CGNL1: variants seen among roughly 807,000 people sequenced by gnomAD.
The protein encoded by CGNL1 is cingulin-like protein 1.
Under a neutral mutation model 141.2 loss-of-function variants are expected in CGNL1, and 132 were observed. The ratio of observed to expected loss-of-function variants is 0.93; its 90% CI spans 0.81 to 1.08. CGNL1 has a LOEUF of 1.08. Ranked by LOEUF, CGNL1 falls within the 50% of genes least tolerant of loss-of-function variation. The pLI is 0.00. For missense variants in CGNL1, 1,870 were observed against 1,588.6 expected, an observed-to-expected ratio of 1.18 and a Z score of -3.01; for synonymous variants, 690 against 622.1, an observed-to-expected ratio of 1.11 and a Z score of -1.63.
intron 1 of CGNL1, among the ~76,000 whole-genome samples, chr15:57,387,786 G>A (rs1384133900): frequency 2.6e-5 from 4 of 152,238 alleles, no homozygotes; most frequent in East Asian, 1.9e-4. Flanking sequence ...TAAATGAGGA[G>A]CTGTGGAGTG....
At chr15:57,533,462 A>G (rs1361955831) in intron 14 of CGNL1, among the ~76,000 whole-genome samples, 2 of 152,260 alleles carry the variant, frequency 1.3e-5, no homozygotes, top group African/African-American at 4.8e-5. Context: ...CCCCCCAGAC[A>G]TGTCAGGATC....
In CGNL1 at chr15:57,514,063, A is replaced by C. The variant is rs139510040; in HGVS notation, c.2404-2717A>C. ...TGGAGTGGTATCTCATTATGGTTTT[A>C]ATTTGCATTTCCCTAATGACTAATG... On this transcript the variant is annotated intron_variant, in intron 8 of 18. Coordinates refer to ENST00000281282, the MANE Select transcript of CGNL1 (RefSeq NM_032866.5). Among the ~76,000 whole-genome samples, 301 of 152,186 alleles carry C rather than the reference A, an allele frequency of 2.0e-3. 1 individual carries two copies. The highest frequency in any genetic ancestry group is 7.1e-3 in the African/African-American group (294 of 41,504).
chr15:57,445,364 C>A (rs1233737509), intron 4 of CGNL1, among the ~76,000 whole-genome samples: 1 of 152,194 alleles, frequency 6.6e-6, no homozygotes, highest in Non-Finnish European at 1.5e-5. Flanking sequence ...TGTTTAATTG[C>A]CACGTTTTCC....
At chr15:57,391,131 G>A (rs1226856431) in intron 1 of CGNL1, among the ~76,000 whole-genome samples, 1 of 152,194 alleles carries the variant, frequency 6.6e-6, no homozygotes, top group Admixed American at 6.5e-5. Context: ...AATGGCAGAT[G>A]AGAGCCAGGC....
Position 57,414,152 on chromosome 15 carries a change from TG to T in CGNL1, c.-15-23830del, listed in dbSNP as rs112410238. 8.5e-5 allele frequency among the ~76,000 whole-genome samples: 13 copies of T among 152,272 alleles called. 3 individuals carry two copies. The highest frequency in any genetic ancestry group is 3.1e-4 in the African/African-American group (13 of 41,562). On this transcript the variant is annotated intron_variant, in intron 1 of 18. Transcript: ENST00000281282. ...AGCAGAGGGGGCTGCCTACATCAGC[TG>T]GGCATGGAGCTGATAGCAGCATCAG... is the stretch of plus-strand genomic sequence containing the variant.
chr15:57,440,789 G>T (rs1256544088), intron 3 of CGNL1, among the ~76,000 whole-genome samples: 1 of 152,140 alleles, frequency 6.6e-6, no homozygotes, highest in Non-Finnish European at 1.5e-5. Flanking sequence ...AATGGAGTCC[G>T]CCATCACCTT....
At chr15:57,461,586 C>A in intron 7 of CGNL1, 94 bp from the exon 8 acceptor site, 1 of 1,006,670 alleles carries the variant, frequency 9.9e-7, no homozygotes, top group Non-Finnish European at 1.6e-6. Context: ...GGTGAGATGG[C>A]TGTGCACATG....
At chr15:57,464,229 C>T (rs538796501) in intron 8 of CGNL1, among the ~76,000 whole-genome samples, 15 of 152,154 alleles carry the variant, frequency 9.9e-5, no homozygotes, top group Middle Eastern at 3.4e-3. Flanking sequence ...TTTGCTGGAG[C>T]GGTCAGTGGC....
intron 8 of CGNL1, among the ~76,000 whole-genome samples, chr15:57,463,416 A>G (rs576214099): frequency 3.3e-5 from 5 of 152,348 alleles, no homozygotes; most frequent in South Asian, 2.1e-4. Context: ...TATTTTCATT[A>G]TGCCATTTCA....
At chr15:57,380,563 A>T (rs961293061) in intron 1 of CGNL1, among the ~76,000 whole-genome samples, 1 of 152,184 alleles carries the variant, frequency 6.6e-6, no homozygotes, top group African/African-American at 2.4e-5. Flanking sequence ...CACAGGAGGC[A>T]TAAGACATGC....
At chr15:57,422,508 A>G (rs2062927475) in intron 1 of CGNL1, among the ~76,000 whole-genome samples, 1 of 152,208 alleles carries the variant, frequency 6.6e-6, no homozygotes, top group African/African-American at 2.4e-5. Flanking sequence ...TGTGGTCATC[A>G]GTTAACCACC....
intron 13 of CGNL1, 112 bp from the exon 14 acceptor site, chr15:57,531,578 A>G: frequency 1.4e-6 from 1 of 703,442 alleles, no homozygotes; most frequent in Non-Finnish European, 2.6e-6. Context: ...TCCAAACTCT[A>G]ATGGTAGTTA....
intron 8 of CGNL1, among the ~76,000 whole-genome samples, chr15:57,498,814 A>G (rs1409263171): frequency 6.6e-6 from 1 of 151,936 alleles, no homozygotes; most frequent in Non-Finnish European, 1.5e-5. Flanking sequence ...CTGGGGTGGG[A>G]GGAAGTATGG....
At position 57,455,536 on chromosome 15, in the gene CGNL1, A is replaced by G. The variant is rs186252598; in HGVS notation, c.2190+1718A>G. ...TATTTTAACTCACTTGACGTTGCAC[A>G]TATTTTGTATCTTTCTTCTGCTAGC... On this transcript the variant is annotated intron_variant, in intron 7 of 18. Transcript: ENST00000281282. Among the ~76,000 whole-genome samples the G allele has an allele frequency of 5.3e-5, 8 of 152,318 alleles. No homozygotes were observed. The South Asian group carries it at 8.3e-4, about 16-fold the overall frequency.
At position 57,384,281 on chromosome 15, in the gene CGNL1, G is replaced by A. The variant is rs112514667; in HGVS notation, c.-16+7714G>A. ...TTGCCAGACACTTTCCAGGAGACCT[G>A]CCCAAGATCAGTAATTCTCATAATA... On this transcript the variant is annotated intron_variant, in intron 1 of 18. Coordinates refer to ENST00000281282, the MANE Select transcript of CGNL1 (RefSeq NM_032866.5). Among the ~76,000 whole-genome samples the A allele has an allele frequency of 4.5e-4, 69 of 152,206 alleles. 1 individual carries two copies. The highest frequency in any genetic ancestry group is 1.6e-3 in the African/African-American group (65 of 41,536).
chr15:57,417,912 T>C (rs1384930292), intron 1 of CGNL1, among the ~76,000 whole-genome samples: 1 of 152,126 alleles, frequency 6.6e-6, no homozygotes, highest in Non-Finnish European at 1.5e-5. Flanking sequence ...TTCTTTGTCA[T>C]TGGGTGGCAG....
chr15:57,433,065 T>G (rs1403705155), intron 1 of CGNL1, among the ~76,000 whole-genome samples: 1 of 150,310 alleles, frequency 6.7e-6, no homozygotes, highest in Non-Finnish European at 1.5e-5. Flanking sequence ...CTTACAACAC[T>G]TATTGGTGAG....
intron 14 of CGNL1, among the ~76,000 whole-genome samples, chr15:57,539,593 C>G (rs1455362916): frequency 6.6e-6 from 1 of 152,234 alleles, no homozygotes; most frequent in East Asian, 1.9e-4. Flanking sequence ...CACCTCTTCA[C>G]CTCCAGCGCC....
At chr15:57,502,486 A>G (rs1268067012) in intron 8 of CGNL1, among the ~76,000 whole-genome samples, 2 of 152,206 alleles carry the variant, frequency 1.3e-5, no homozygotes, top group Non-Finnish European at 2.9e-5. Context: ...GTCTTAAATA[A>G]TGCTGATGTT....
Sources: gnomAD v4.1 joint callset for allele counts (sites outside exome capture counted in the v4.1 genomes callset) on GRCh38, gnomAD v4.1.1 for gene constraint, MANE v1.5 for transcripts, NCBI Gene and HGNC (gene_info 2026-07-23, HGNC 2026-07-21) for gene names.